Variants in SLC9A3 observed in about 807,000 individuals in gnomAD.
SLC9A3 encodes sodium/hydrogen exchanger 3.
Under a neutral mutation model 86.8 loss-of-function variants are expected in SLC9A3, and 37 were observed. The ratio of observed to expected loss-of-function variants is 0.43; its 90% CI spans 0.33 to 0.56. The LOEUF is 0.56. SLC9A3 is among the 20% of genes least tolerant of loss of function. SLC9A3 has a pLI of 0.06. For synonymous variants in SLC9A3, 581 were observed against 528.3 expected (o/e 1.10, Z -1.37); for missense variants, 1,011 against 1,171.9 (o/e 0.86, Z 2.00).
In SLC9A3 at chr5:475,011, A is replaced by T. The variant is rs372233912; in HGVS notation, c.2373T>A (p.Ile791=). The change falls in exon 16 of 17, where the codon ATT becomes ATA. Residue 791 remains isoleucine (I), a synonymous_variant. Transcript: ENST00000264938. ...VVPSQRARTQ[I]PYSPGTFCRL... ...GGCAGAAGGTGCCGGGAGAGTAGGG[A>T]ATCTGCGTGCGGGCCCTCTGCGAGG... 1.7e-4 allele frequency: 279 copies of T among 1,612,044 alleles called. 2 individuals are homozygous for T. Among genetic ancestry groups the T allele is most frequent in the Non-Finnish European group, 1.2e-4 (136 of 1,179,744 alleles).
intron 1 of SLC9A3, among the ~76,000 whole-genome samples, chr5:495,276 C>G (rs148890777): frequency 6.6e-6 from 1 of 152,050 alleles, no homozygotes; most frequent in Non-Finnish European, 1.5e-5. Flanking sequence ...GTGAAGCCAC[C>G]CCAGACAACC....
In SLC9A3 at chr5:491,744, C is replaced by G. The variant is rs770583074; in HGVS notation, c.514+25G>C. Reference sequence around the variant, plus strand: ...TCCCGGACCCCACCCTGATCCCGGCCGGGGCAACAGTGGCGCAGACTCACC... The same window carrying G: ...TCCCGGACCCCACCCTGATCCCGGCGGGGGCAACAGTGGCGCAGACTCACC... On this transcript the variant is annotated intron_variant, in intron 2 of 16. Transcript: ENST00000264938. The surrounding 1 kb of genome is among the most constrained non-coding windows in gnomAD (Gnocchi z 9.2). 6.7e-7 allele frequency: 1 copy of G among 1,491,610 alleles called. No homozygotes were observed. Among genetic ancestry groups the G allele is most frequent in the East Asian group, 2.5e-5 (1 of 40,382 alleles). 92.4% of individuals were successfully genotyped at this position (1,491,610 alleles called of 1,614,324 possible). A position where few individuals can be genotyped will look rare whatever the true frequency, so the allele number is the denominator to read the frequency against.
rs1419553262 is a variant in SLC9A3 at position 473,000 on chromosome 5, C to A, written c.*379G>T. On this transcript the variant is annotated 3_prime_UTR_variant, in exon 17 of 17. Coordinates refer to ENST00000264938, the MANE Select transcript of SLC9A3 (RefSeq NM_004174.4). ...TCTCCTCCTGCTCCAGCGCGTGCGGCGGTGCGTGGCACGAGGGCGGCAGCG... is the reference window on the plus strand; with the variant it reads ...TCTCCTCCTGCTCCAGCGCGTGCGGAGGTGCGTGGCACGAGGGCGGCAGCG... 1 of 465,344 alleles carries A rather than the reference C, an allele frequency of 2.1e-6. No individual in the cohort carries two copies. Among genetic ancestry groups the A allele is most frequent in the African/African-American group, 2.1e-5 (1 of 48,036 alleles). The allele number at this position is 465,344 out of a possible 1,614,324, so 28.8% of individuals were successfully genotyped here.
intron 1 of SLC9A3, among the ~76,000 whole-genome samples, chr5:509,340 G>T (rs571759818): frequency 1.3e-5 from 2 of 152,126 alleles, no homozygotes; most frequent in East Asian, 3.9e-4. Context: ...TGTAATCCCA[G>T]CTACTCAGAA....
intron 1 of SLC9A3, among the ~76,000 whole-genome samples, chr5:507,177 T>TC (rs1740627719): frequency 1.6e-5 from 1 of 63,074 alleles, no homozygotes; most frequent in African/African-American, 7.7e-5. Context: ...TTTTTTTTTT[T>TC]TTTTTTTTTG....
intron 16 of SLC9A3, among the ~76,000 whole-genome samples, chr5:473,602 C>T (rs907762382): frequency 1.3e-5 from 2 of 152,136 alleles, no homozygotes; most frequent in South Asian, 2.1e-4. Flanking sequence ...CCCGCCACGT[C>T]CCCCCGCCGG....
At chr5:483,681 C>T (rs1475427170) in intron 5 of SLC9A3, among the ~76,000 whole-genome samples, 199 bp from the exon 6 acceptor site, 9 of 152,316 alleles carry the variant, frequency 5.9e-5, no homozygotes, top group African/African-American at 1.4e-4. Flanking sequence ...GCGGCATCAC[C>T]GTCATGCAGA....
At chr5:520,635 G>A (rs72704773) in intron 1 of SLC9A3, among the ~76,000 whole-genome samples, 7,881 of 152,192 alleles carry the variant, frequency 0.052, 300 homozygotes, top group Non-Finnish European at 0.081. Flanking sequence ...TCACCACGAC[G>A]CTAGGTGGGG....
intron 1 of SLC9A3, among the ~76,000 whole-genome samples, chr5:511,512 G>A (rs1250093174): frequency 1.3e-5 from 2 of 152,242 alleles, no homozygotes; most frequent in African/African-American, 4.8e-5. Flanking sequence ...ACCAAAGACA[G>A]GCAGATGGCA....
At chr5:477,272 ACT>A (rs1373647756) in intron 11 of SLC9A3, 58 bp downstream of exon 11, 15 of 1,230,836 alleles carry the variant, frequency 1.2e-5, no homozygotes, top group Non-Finnish European at 1.6e-5. Context: ...CCTGTCTGTG[ACT>A]CTCAGCTCCC....
At chr5:488,883 G>A (rs1449015042) in intron 2 of SLC9A3, among the ~76,000 whole-genome samples, 1 of 152,178 alleles carries the variant, frequency 6.6e-6, no homozygotes, top group Non-Finnish European at 1.5e-5. Context: ...AGCACCCAGG[G>A]GCGCGGCCAG....
chr5:473,644 G>T (rs764429467), intron 16 of SLC9A3, among the ~76,000 whole-genome samples: 2 of 152,178 alleles, frequency 1.3e-5, no homozygotes, highest in Non-Finnish European at 2.9e-5. Context: ...CTCGGCGCAG[G>T]AAGGTCCCGC....
intron 1 of SLC9A3, among the ~76,000 whole-genome samples, chr5:507,841 A>G (rs71585246): frequency 0.45 from 816 of 1,826 alleles, 162 homozygotes; most frequent in Middle Eastern, 0.75. Flanking sequence ...ACAGACGCCC[A>G]AATCCCCACC....
intron 9 of SLC9A3, 42 bp from the exon 10 acceptor site, chr5:480,007 G>C (rs781082547): frequency 1.3e-6 from 2 of 1,592,926 alleles, no homozygotes; most frequent in African/African-American, 2.7e-5. Flanking sequence ...GGTGACAGGC[G>C]CCCTAGAGCC....
chr5:477,541 CG>C, intron 10 of SLC9A3, 97 bp from the exon 11 acceptor site: 2 of 791,454 alleles, frequency 2.5e-6, no homozygotes, highest in Non-Finnish European at 2.0e-6. Flanking sequence ...GCTCGGGGCC[CG>C]GGGAAAGCCT....
At position 503,173 on chromosome 5, in the gene SLC9A3, T is replaced by C. The variant is rs183112772; in HGVS notation, c.212-11102A>G. Among the ~76,000 whole-genome samples, 8 of 152,324 alleles carry C rather than the reference T, an allele frequency of 5.3e-5. No homozygotes were observed. The East Asian group carries it at 1.4e-3, about 26-fold the overall frequency. ...AGAAATGACAGTAAAGAGAGTGAAC[T>C]GGAAGACAGATCAGAAGAAATCATC... On this transcript the variant is annotated intron_variant, in intron 1 of 16. Transcript: ENST00000264938.
At chr5:502,853 T>TGCTCAAAGCCGCCGTAATGACACAGAC (rs1370190936) in intron 1 of SLC9A3, among the ~76,000 whole-genome samples, 1 of 144,140 alleles carries the variant, frequency 6.9e-6, no homozygotes, top group Admixed American at 7.0e-5. Context: ...ATGACACAGA[T>TGCTCAAAGCCGCCGTAATGACACAGAC]GGGCGCTGTG....
In SLC9A3 at chr5:524,255, G is replaced by T. The variant is rs1733970604; in HGVS notation, c.68C>A (p.Ala23Glu). 9.1e-6 allele frequency: 13 copies of T among 1,427,684 alleles called. No individual in the cohort carries two copies. The highest frequency in any genetic ancestry group is 1.2e-5 in the Non-Finnish European group (13 of 1,086,162). The allele number at this position is 1,427,684 out of a possible 1,614,324, so 88.4% of individuals were successfully genotyped here. A position where few individuals can be genotyped will look rare whatever the true frequency, so the allele number is the denominator to read the frequency against. Residue 23 changes from alanine to glutamate, a missense_variant, in exon 1 of 17, where the codon GCG becomes GAG. By Grantham distance (107) the Ala-to-Glu change is moderately radical. Transcript: ENST00000264938. ...CTCCACCTCGACGCCCCCGGCCCGC[G>T]CCAGCCCGCCCAGCGCCAGCGCCAG... ...LLLALALGGL[A>E]RAGGVEVEPG...
At chr5:475,461 C>A (rs1579761752) in intron 15 of SLC9A3, 100 bp downstream of exon 15, 2 of 732,758 alleles carry the variant, frequency 2.7e-6, no homozygotes, top group Admixed American at 4.7e-5. Context: ...GAGACCCCAC[C>A]CCCCCAGGTC....
Sources: allele counts gnomAD v4.1 joint callset (sites outside exome capture counted in the v4.1 genomes callset), GRCh38; gene constraint gnomAD v4.1.1; non-coding constraint Gnocchi (gnomAD v3.1); transcripts MANE v1.5; gene names NCBI Gene and HGNC (gene_info 2026-07-23, HGNC 2026-07-21).